GATAD2A: variants seen among roughly 807,000 people sequenced by gnomAD.
GATAD2A encodes transcriptional repressor p66-alpha.
Under a neutral mutation model 68.5 loss-of-function variants are expected in GATAD2A, and 12 were observed. The ratio of observed to expected loss-of-function variants is 0.18; its 90% CI spans 0.11 to 0.28. The LOEUF (loss-of-function observed/expected upper bound fraction) is 0.28, where lower values mean the gene tolerates loss of function less well. GATAD2A is among the 10% of genes least tolerant of loss of function. The probability of loss-of-function intolerance (pLI) is 1.00; values close to 1 mark genes in which losing one functional copy is unlikely to be tolerated. For missense variants in GATAD2A, 755 were observed against 868.5 expected (o/e 0.87, Z 1.64); for synonymous variants, 410 against 375.3 (o/e 1.09, Z -1.07).
At chr19:19,455,877 G>A (rs548608358) in intron 1 of GATAD2A, among the ~76,000 whole-genome samples, 46 of 152,190 alleles carry the variant, frequency 3.0e-4, no homozygotes, top group Non-Finnish European at 5.0e-4. Flanking sequence ...CTGGCCAGGC[G>A]TGGTGGCTTA....
chr19:19,507,751 A>G lies in GATAD2A; in HGVS notation c.*2277A>G, dbSNP rs575671242. The G allele has an allele frequency of 8.4e-5, 10 of 119,712 alleles. No homozygotes were observed. Among genetic ancestry groups the G allele is most frequent in the African/African-American group, 4.1e-4 (10 of 24,636 alleles). The allele number at this position is 119,712 out of a possible 1,614,324, so 7.4% of individuals were successfully genotyped here. A position where few individuals can be genotyped will look rare whatever the true frequency, so the allele number is the denominator to read the frequency against. Reference sequence around the variant, plus strand: ...GGGACAACGTACATACTGTGATGTAAACTTTTTTTTTTTCCCCCCAGGGGG... The same window carrying G: ...GGGACAACGTACATACTGTGATGTAGACTTTTTTTTTTTCCCCCCAGGGGG... On this transcript the variant is annotated 3_prime_UTR_variant, in exon 12 of 12. Coordinates refer to ENST00000683918, the MANE Select transcript of GATAD2A (RefSeq NM_001384528.1).
intron 1 of GATAD2A, among the ~76,000 whole-genome samples, chr19:19,440,722 AG>A (rs1346549370): frequency 6.6e-6 from 1 of 152,194 alleles, no homozygotes; most frequent in Non-Finnish European, 1.5e-5. Context: ...TGGAAGGGGA[AG>A]CAATCCCTTA....
At position 19,506,369 on chromosome 19, in the gene GATAD2A, C is replaced by T. The variant is rs75467485; in HGVS notation, c.*895C>T. 486 of 395,208 alleles carry T rather than the reference C, an allele frequency of 1.2e-3. 6 individuals are homozygous for T. In the East Asian group the frequency reaches 0.017, roughly 14 times the overall value. The allele number at this position is 395,208 out of a possible 1,614,324, so 24.5% of individuals were successfully genotyped here. ...CAGAAAGCTGGAGGGGGGACTGTCG[C>T]GGGGTTTTTCTGTTGTGGTTTATTT... On this transcript the variant is annotated 3_prime_UTR_variant, in exon 12 of 12. Transcript: ENST00000683918.
Position 19,505,543 on chromosome 19 carries a change from C to T in GATAD2A, c.*69C>T. On this transcript the variant is annotated 3_prime_UTR_variant, in exon 12 of 12. Coordinates refer to ENST00000683918, the MANE Select transcript of GATAD2A (RefSeq NM_001384528.1). Reference sequence around the variant, plus strand: ...CTGGCCCCTGGTCTAGAAGGACCCACTGCACCACCCTCCGCTGGCTCGGGA... The same window carrying T: ...CTGGCCCCTGGTCTAGAAGGACCCATTGCACCACCCTCCGCTGGCTCGGGA... 7.3e-7 allele frequency: 1 copy of T among 1,362,986 alleles called. No individual in the cohort carries two copies. The highest frequency in any genetic ancestry group is 9.9e-7 in the Non-Finnish European group (1 of 1,008,924). 84.4% of individuals were successfully genotyped at this position (1,362,986 alleles called of 1,614,324 possible).
At chr19:19,449,225 A>G (rs969332004) in intron 1 of GATAD2A, among the ~76,000 whole-genome samples, 3 of 152,178 alleles carry the variant, frequency 2.0e-5, no homozygotes, top group African/African-American at 4.8e-5. Flanking sequence ...GCTGTTGGCT[A>G]TTGGGATCAG....
At chr19:19,391,167 T>A (rs928673233) in intron 1 of GATAD2A, among the ~76,000 whole-genome samples, 1 of 152,220 alleles carries the variant, frequency 6.6e-6, no homozygotes, top group Non-Finnish European at 1.5e-5. Flanking sequence ...CTTCACTTAC[T>A]AGTATGGGAA....
chr19:19,424,165 C>G (rs2052774505), intron 1 of GATAD2A, among the ~76,000 whole-genome samples: 1 of 152,170 alleles, frequency 6.6e-6, no homozygotes, highest in Admixed American at 6.5e-5. Context: ...CTCAAGTGAT[C>G]CTCCCACCTC....
chr19:19,505,097 C>T (rs994255218), intron 11 of GATAD2A, among the ~76,000 whole-genome samples: 4 of 152,188 alleles, frequency 2.6e-5, no homozygotes, highest in Admixed American at 2.0e-4. Flanking sequence ...GATGATTGCC[C>T]CACACTTGGG....
intron 1 of GATAD2A, among the ~76,000 whole-genome samples, chr19:19,456,308 G>A (rs892675879): frequency 6.6e-6 from 1 of 152,132 alleles, no homozygotes; most frequent in African/African-American, 2.4e-5. Context: ...TCGGGGTCCC[G>A]CATGTTATGG....
intron 2 of GATAD2A, among the ~76,000 whole-genome samples, chr19:19,479,460 C>T (rs1442816109): frequency 2.6e-5 from 4 of 152,174 alleles, no homozygotes; most frequent in African/African-American, 2.4e-5. Flanking sequence ...TTTTCCCTTA[C>T]GTTATATTTA....
At chr19:19,475,818 T>C (rs2148172444) in intron 2 of GATAD2A, among the ~76,000 whole-genome samples, 1 of 152,286 alleles carries the variant, frequency 6.6e-6, no homozygotes, top group East Asian at 1.9e-4. Flanking sequence ...TCCCTTTATC[T>C]GGGACTCTAA....
chr19:19,492,833 G>T (rs906910512), intron 4 of GATAD2A, 121 bp downstream of exon 4: 22 of 893,582 alleles, frequency 2.5e-5, no homozygotes, highest in Non-Finnish European at 3.8e-5. Flanking sequence ...ATAGGGCAAG[G>T]TCCCACTCCC....
At chr19:19,427,555 C>A (rs1256786319) in intron 1 of GATAD2A, 1 of 152,222 alleles carries the variant, frequency 6.6e-6, no homozygotes, top group African/African-American at 2.4e-5. Context: ...AGTCCCTGGA[C>A]AGGTGGGGTC....
chr19:19,489,628 A>G (rs768313578), intron 2 of GATAD2A, among the ~76,000 whole-genome samples: 1 of 152,222 alleles, frequency 6.6e-6, no homozygotes, highest in Non-Finnish European at 1.5e-5. Context: ...TTCAGCTGCT[A>G]GGTGGTCTGG....
chr19:19,391,323 C>G (rs529218944), intron 1 of GATAD2A, among the ~76,000 whole-genome samples: 31 of 152,188 alleles, frequency 2.0e-4, no homozygotes, highest in Non-Finnish European at 3.4e-4. Flanking sequence ...TATACCCTCT[C>G]TCTTCCTCCT....
chr19:19,425,901 CA>C (rs2053028621), intron 1 of GATAD2A, among the ~76,000 whole-genome samples: 1 of 151,958 alleles, frequency 6.6e-6, no homozygotes, highest in Non-Finnish European at 1.5e-5. Context: ...GGCATCTTCC[CA>C]TGTCAGCCTC....
At position 19,430,487 on chromosome 19, in the gene GATAD2A, T is replaced by A. The variant is rs113146053; in HGVS notation, c.-7+24468T>A. Among the ~76,000 whole-genome samples, 324 of 152,280 alleles carry A rather than the reference T, an allele frequency of 2.1e-3. 2 individuals carry two copies. Among genetic ancestry groups the A allele is most frequent in the South Asian group, 0.016 (78 of 4,820 alleles). On this transcript the variant is annotated intron_variant, in intron 1 of 11. Coordinates refer to ENST00000683918, the MANE Select transcript of GATAD2A (RefSeq NM_001384528.1). The stretch of plus-strand genomic sequence containing the variant: ...CGGTGTTGTTGGGTTTCACCTTGGA[T>A]GTTGTTGGCCATGTCATGTTCCCAG...
At chr19:19,489,972 C>G (rs2059675378) in intron 2 of GATAD2A, among the ~76,000 whole-genome samples, 1 of 152,196 alleles carries the variant, frequency 6.6e-6, no homozygotes, top group Admixed American at 6.5e-5. Context: ...CTGAGGTCAC[C>G]TTGAAAGTCG....
At chr19:19,495,650 A>AAAC (rs1377030942) in intron 5 of GATAD2A, 104 bp from the exon 6 acceptor site, 1 of 1,068,964 alleles carries the variant, frequency 9.4e-7, no homozygotes, top group Non-Finnish European at 1.3e-6. Flanking sequence ...AAAAAAAAAA[A>AAAC]AAAAACTAGT....
Sources: gnomAD v4.1 joint callset for allele counts (sites outside exome capture counted in the v4.1 genomes callset) on GRCh38, gnomAD v4.1.1 for gene constraint, MANE v1.5 for transcripts, NCBI Gene and HGNC (gene_info 2026-07-23, HGNC 2026-07-21) for gene names.